Variants in ROBO2 observed in about 807,000 individuals in gnomAD.
The protein encoded by ROBO2 is roundabout homolog 2.
Under a neutral mutation model 160.8 loss-of-function variants are expected in ROBO2, and 53 were observed. The ratio of observed to expected loss-of-function variants is 0.33; its 90% CI spans 0.26 to 0.41. The LOEUF (loss-of-function observed/expected upper bound fraction) is 0.41. Ranked by LOEUF, ROBO2 falls within the 10% of genes least tolerant of loss-of-function variation. The pLI, the probability that ROBO2 is intolerant of heterozygous loss-of-function variation, is 1.00. For synonymous variants in ROBO2, 664 were observed against 611.7 expected (o/e 1.09, Z -1.26); for missense variants, 1,577 against 1,722.4 (o/e 0.92, Z 1.49).
intron 2 of ROBO2, among the ~76,000 whole-genome samples, chr3:76,399,479 C>T (rs545149592): frequency 3.3e-5 from 5 of 151,882 alleles, no homozygotes; most frequent in East Asian, 3.9e-4. Context: ...TGTGAGAATA[C>T]ATGCCTGCTT....
chr3:76,736,907 T>C (rs553832080), intron 2 of ROBO2, among the ~76,000 whole-genome samples: 2 of 152,278 alleles, frequency 1.3e-5, no homozygotes, highest in South Asian at 4.1e-4. Context: ...TAAATGGTAA[T>C]CTAAAATATG....
At chr3:77,500,739 A>G (rs899448981) in intron 5 of ROBO2, among the ~76,000 whole-genome samples, 1 of 152,144 alleles carries the variant, frequency 6.6e-6, no homozygotes, top group African/African-American at 2.4e-5. Flanking sequence ...TGTTTTCATC[A>G]AATAGGTGCT....
chr3:77,469,992 G>C (rs533104003), intron 2 of ROBO2, among the ~76,000 whole-genome samples: 2 of 152,312 alleles, frequency 1.3e-5, no homozygotes, highest in South Asian at 4.1e-4. Context: ...TGAATGAACA[G>C]TATGTACTTC....
chr3:75,915,605 G>A (rs1946777651), intron 1 of ROBO2, among the ~76,000 whole-genome samples: 1 of 152,064 alleles, frequency 6.6e-6, no homozygotes, highest in Non-Finnish European at 1.5e-5. Flanking sequence ...GTATTTTTCA[G>A]TGGTGGCTCT....
At chr3:76,301,947 A>G (rs2107741992) in intron 2 of ROBO2, among the ~76,000 whole-genome samples, 1 of 152,224 alleles carries the variant, frequency 6.6e-6, no homozygotes, top group South Asian at 2.1e-4. Flanking sequence ...AGAACCTTTT[A>G]GATGCTTTTC....
intron 2 of ROBO2, among the ~76,000 whole-genome samples, chr3:75,977,372 G>T (rs2065160137): frequency 6.6e-6 from 1 of 151,476 alleles, no homozygotes; most frequent in Admixed American, 6.6e-5. Context: ...ACTAATACTT[G>T]TCGGAAATAT....
At chr3:77,145,273 A>G (rs1259778415) in intron 2 of ROBO2, among the ~76,000 whole-genome samples, 2 of 152,196 alleles carry the variant, frequency 1.3e-5, no homozygotes, top group Non-Finnish European at 2.9e-5. Context: ...AAGTATTAAA[A>G]TTAAATAAAA....
At chr3:76,192,324 A>G (rs991121052) in intron 2 of ROBO2, among the ~76,000 whole-genome samples, 1 of 151,768 alleles carries the variant, frequency 6.6e-6, no homozygotes, top group Non-Finnish European at 1.5e-5. Flanking sequence ...TAGTGCTCTT[A>G]TTTTCTAAAG....
intron 2 of ROBO2, among the ~76,000 whole-genome samples, chr3:76,071,750 G>T (rs185464973): frequency 6.6e-6 from 1 of 151,956 alleles, no homozygotes; most frequent in Non-Finnish European, 1.5e-5. Context: ...ACAAGTTAAG[G>T]AAAGTAAACA....
intron 1 of ROBO2, among the ~76,000 whole-genome samples, chr3:77,096,685 G>T (rs866157301): frequency 5.5e-4 from 83 of 152,112 alleles, no homozygotes; most frequent in Middle Eastern, 3.4e-3. Flanking sequence ...CCTGACCTCA[G>T]GTGATCCACC....
At chr3:76,558,338 A>T (rs2083935800) in intron 2 of ROBO2, among the ~76,000 whole-genome samples, 3 of 113,190 alleles carry the variant, frequency 2.7e-5, no homozygotes, top group Admixed American at 2.1e-4. Flanking sequence ...TAATTTTCTT[A>T]AGTTAGAAGT....
chr3:76,830,819 A>AG (rs1443425983), intron 2 of ROBO2, among the ~76,000 whole-genome samples: 1 of 151,226 alleles, frequency 6.6e-6, no homozygotes, highest in Admixed American at 6.6e-5. Context: ...TCTAAAAAAA[A>AG]AAAAAAAAAA....
chr3:76,844,055 C>T (rs2068548962), intron 2 of ROBO2, among the ~76,000 whole-genome samples: 1 of 151,898 alleles, frequency 6.6e-6, no homozygotes, highest in South Asian at 2.1e-4. Flanking sequence ...ATATAAATCT[C>T]CCTAGAAGCG....
chr3:76,763,788 A>G (rs537693559), intron 2 of ROBO2, among the ~76,000 whole-genome samples: 1 of 151,788 alleles, frequency 6.6e-6, no homozygotes, highest in South Asian at 2.1e-4. Flanking sequence ...CTGCATTTCT[A>G]ACAAGCTCCA....
chr3:76,759,879 T>A (rs1314484429), intron 2 of ROBO2, among the ~76,000 whole-genome samples: 1 of 151,802 alleles, frequency 6.6e-6, no homozygotes, highest in South Asian at 2.1e-4. Context: ...GCTCCGCGAT[T>A]CTCTTCACTT....
chr3:77,617,618 T>A, exon 22 of ROBO2: 1 of 1,614,182 alleles, frequency 6.2e-7, no homozygotes, highest in South Asian at 1.1e-5. Context: ...CAACACCTCC[T>A]GTTCGAGGCG....
At chr3:77,042,596 C>A (rs1559888316) in intron 1 of ROBO2, among the ~76,000 whole-genome samples, 1 of 152,204 alleles carries the variant, frequency 6.6e-6, no homozygotes, top group East Asian at 1.9e-4. Flanking sequence ...AATTAATATA[C>A]CAGGGTGTTT....
intron 2 of ROBO2, among the ~76,000 whole-genome samples, chr3:77,259,451 T>C (rs908598828): frequency 6.6e-6 from 1 of 152,184 alleles, no homozygotes; most frequent in African/African-American, 2.4e-5. Context: ...AAATATTATG[T>C]ATTTTAAAAA....
intron 1 of ROBO2, among the ~76,000 whole-genome samples, chr3:77,075,697 A>G (rs146922419): frequency 0.082 from 1,985 of 24,308 alleles, 74 homozygotes; most frequent in African/African-American, 0.35. Flanking sequence ...TTTTTTTTTG[A>G]GATGGAGTCT....
Sources: gnomAD v4.1 joint callset for allele counts (sites outside exome capture counted in the v4.1 genomes callset) on GRCh38, gnomAD v4.1.1 for gene constraint, MANE v1.5 for transcripts, NCBI Gene and HGNC (gene_info 2026-07-23, HGNC 2026-07-21) for gene names.